PTPN23: variants seen among roughly 807,000 people sequenced by gnomAD.
PTPN23 encodes tyrosine-protein phosphatase non-receptor type 23.
A neutral mutation model predicts 156.3 loss-of-function variants in PTPN23; 72 were observed. The observed-to-expected ratio is 0.46, with a 90% CI of 0.38 to 0.56. The LOEUF is 0.56. PTPN23 is among the 20% of genes least tolerant of loss of function. The pLI is 0.00. For synonymous variants in PTPN23, 957 were observed against 899.6 expected (o/e 1.06, Z -1.14); for missense variants, 1,974 against 2,171.5 (o/e 0.91, Z 1.81).
Position 47,406,858 on chromosome 3 carries a change from G to A in PTPN23, c.807+108G>A, listed in dbSNP as rs1207560238. On this transcript the variant is annotated intron_variant, in intron 9 of 24. Transcript: ENST00000265562. This position sits in a 1 kb window ranked among gnomAD's most constrained non-coding sequence, Gnocchi z 5.8. ...GGGGTGGCCTTCTCTGTCTCACCCT[G>A]GCCATCACCCTGCTGGAGGCCTGGT... 6 of 1,421,416 alleles carry A rather than the reference G, an allele frequency of 4.2e-6. No homozygotes were observed. Among genetic ancestry groups the A allele is most frequent in the Non-Finnish European group, 5.8e-6 (6 of 1,030,626 alleles). 88.1% of individuals were successfully genotyped at this position (1,421,416 alleles called of 1,614,324 possible). A position where few individuals can be genotyped will look rare whatever the true frequency, so the allele number is the denominator to read the frequency against.
At position 47,409,266 on chromosome 3, in the gene PTPN23, G is replaced by C. The variant is rs772317392; in HGVS notation, c.1746G>C (p.Gln582His). 4 of 1,614,166 alleles carry C rather than the reference G, an allele frequency of 2.5e-6. No individual in the cohort carries two copies. Among genetic ancestry groups the C allele is most frequent in the Non-Finnish European group, 3.4e-6 (4 of 1,180,042 alleles). ...AGCAGCAGCTGCGTGAGCTTATCCAGAAAGATGACATCACTGCCTCGCTGG... is the reference window on the plus strand; with the variant it reads ...AGCAGCAGCTGCGTGAGCTTATCCACAAAGATGACATCACTGCCTCGCTGG... The part of the protein sequence containing the change: ...SLEQQLRELI[Q>H]KDDITASLVT... Residue 582 changes from glutamine (Q) to histidine (H), a missense_variant, in exon 17 of 25, where the codon CAG (glutamine) becomes CAC (histidine). By Grantham distance (24) the Gln-to-His change is conservative. Transcript: ENST00000265562.
At position 47,411,700 on chromosome 3, in the gene PTPN23, G is replaced by T; in HGVS notation, c.3888+14G>T. 6.3e-7 allele frequency: 1 copy of T among 1,599,488 alleles called. No individual in the cohort carries two copies. The highest frequency in any genetic ancestry group is 1.7e-4 in the Middle Eastern group (1 of 6,032). ...GAGATGGAGAAGGTGAGAAGAGGGG[G>T]TGGGTGCCCACGAGGGCAGTGTGGG... is the stretch of plus-strand genomic sequence containing the variant. On this transcript the variant is annotated intron_variant, in intron 20 of 24. Coordinates refer to ENST00000265562, the MANE Select transcript of PTPN23 (RefSeq NM_015466.4). This position sits in a 1 kb window ranked among gnomAD's most constrained non-coding sequence, Gnocchi z 6.3.
intron 1 of PTPN23, among the ~76,000 whole-genome samples, chr3:47,393,088 G>A (rs554109668): frequency 2.6e-5 from 4 of 152,098 alleles, no homozygotes; most frequent in South Asian, 4.2e-4. Flanking sequence ...CTCTGGCCTC[G>A]GCCTCCCAAA....
rs1705106526 is a variant in PTPN23, at chr3:47,405,767, T to G, written c.383T>G (p.Leu128Arg). The G allele has an allele frequency of 3.8e-6, 6 of 1,596,184 alleles. No homozygotes were observed. The highest frequency in any genetic ancestry group is 1.3e-5 in the African/African-American group (1 of 74,520). ...LYNLGALHSM[L>R]GAMDKRVSEE... ...TCCCCAGGAGCGCTGCACTCCATGCTGGGGGCCATGGACAAGCGGGTGTCT... is the reference window on the plus strand; with the variant it reads ...TCCCCAGGAGCGCTGCACTCCATGCGGGGGGCCATGGACAAGCGGGTGTCT... Residue 128 changes from leucine to arginine, a missense_variant, in exon 5 of 25, where the codon CTG becomes CGG. Transcript: ENST00000265562. The surrounding 1 kb of genome is among the most constrained non-coding windows in gnomAD (Gnocchi z 4.7).
chr3:47,399,778 A>G (rs1376327099), intron 2 of PTPN23, among the ~76,000 whole-genome samples: 1 of 152,074 alleles, frequency 6.6e-6, no homozygotes, highest in African/African-American at 2.4e-5. Context: ...ACTTGGTTTA[A>G]TTTATCCCAG....
chr3:47,410,307 TCCTCCCC>T lies in PTPN23; in HGVS notation c.2510_2516del (p.Ser837TyrfsTer6). On this transcript the variant is annotated frameshift_variant, in exon 20 of 25. Transcript: ENST00000265562. LOFTEE classifies it high-confidence loss of function. ...ACCGGAGCTGGGCCTTGTGCCCCGA[TCCTCCCC>T]ACAGCATGGCGTGGTGAGCAGTCCC... is the stretch of plus-strand genomic sequence containing the variant. The T allele has an allele frequency of 6.2e-7, 1 of 1,605,056 alleles. No homozygotes were observed. Among genetic ancestry groups the T allele is most frequent in the Non-Finnish European group, 8.5e-7 (1 of 1,175,522 alleles).
chr3:47,387,837 T>C (rs1333449820), intron 1 of PTPN23, among the ~76,000 whole-genome samples: 1 of 152,186 alleles, frequency 6.6e-6, no homozygotes, highest in Non-Finnish European at 1.5e-5. Context: ...GAGGGATTAA[T>C]ATTAGGTCTG....
rs1435764910 is a variant in PTPN23 at position 47,405,739 on chromosome 3, C to T, written c.365-10C>T. 1.3e-5 allele frequency: 21 copies of T among 1,601,058 alleles called. No homozygotes were observed. Among genetic ancestry groups the T allele is most frequent in the African/African-American group, 2.7e-5 (2 of 74,588 alleles). On this transcript the variant is annotated splice_polypyrimidine_tract_variant and intron_variant, in intron 4 of 24. Coordinates refer to ENST00000265562, the MANE Select transcript of PTPN23 (RefSeq NM_015466.4). The surrounding 1 kb of genome is among the most constrained non-coding windows in gnomAD (Gnocchi z 4.7). ...CCCCAGGCCCCTAACACTGTCCCCT[C>T]CCTCCCCAGGAGCGCTGCACTCCAT...
Position 47,412,836 on chromosome 3 carries a change from C to T in PTPN23, c.4562C>T (p.Pro1521Leu), listed in dbSNP as rs1260873950. Reference sequence around the variant, plus strand: ...TTGGAGTCCCCGGTTGCCAGCTTGCCAGGCCCTGCAGAGCCCCCAGGCCTC... The same window carrying T: ...TTGGAGTCCCCGGTTGCCAGCTTGCTAGGCCCTGCAGAGCCCCCAGGCCTC... Reference protein sequence around the residue: ...GGLESPVASLPGPAEPPGLPP... With the variant: ...GGLESPVASLLGPAEPPGLPP... Residue 1521 changes from proline (P) to leucine (L), a missense_variant, in exon 25 of 25, where the codon CCA (proline) becomes CTA (leucine). Coordinates refer to ENST00000265562, the MANE Select transcript of PTPN23 (RefSeq NM_015466.4). 3 of 1,613,462 alleles carry T rather than the reference C, an allele frequency of 1.9e-6. No individual in the cohort carries two copies. Among genetic ancestry groups the T allele is most frequent in the Admixed American group, 1.7e-5 (1 of 60,018 alleles).
chr3:47,394,298 G>T (rs950156801), intron 1 of PTPN23, among the ~76,000 whole-genome samples: 1 of 152,156 alleles, frequency 6.6e-6, no homozygotes, highest in African/African-American at 2.4e-5. Flanking sequence ...TGACCCTGCC[G>T]TCGGCACACA....
chr3:47,388,290 C>T (rs1193950360), intron 1 of PTPN23, among the ~76,000 whole-genome samples: 1 of 152,152 alleles, frequency 6.6e-6, no homozygotes, highest in African/African-American at 2.4e-5. Context: ...CACACTGCAG[C>T]CTCTGCCTCC....
chr3:47,404,930 G>T, intron 3 of PTPN23, 75 bp from the exon 4 acceptor site: 3 of 1,596,996 alleles, frequency 1.9e-6, no homozygotes, highest in Non-Finnish European at 2.6e-6. Context: ...ACAATGGGGT[G>T]TTTAGTCCCC....
chr3:47,409,915 G>C lies in PTPN23; in HGVS notation c.2130-13G>C, dbSNP rs773185429. On this transcript the variant is annotated splice_polypyrimidine_tract_variant and intron_variant, in intron 19 of 24. Transcript: ENST00000265562. ...GGGAGCCTGGCCCCACTTTTTCCTTGCCTGTCGCACAGGGAGCTGAAGAAG... is the reference window on the plus strand; with the variant it reads ...GGGAGCCTGGCCCCACTTTTTCCTTCCCTGTCGCACAGGGAGCTGAAGAAG... The C allele has an allele frequency of 7.0e-6, 11 of 1,570,588 alleles. No homozygotes were observed. Among genetic ancestry groups the C allele is most frequent in the Non-Finnish European group, 9.5e-6 (11 of 1,159,180 alleles).
intron 2 of PTPN23, among the ~76,000 whole-genome samples, chr3:47,404,141 A>T (rs781566176): frequency 6.6e-5 from 10 of 152,186 alleles, no homozygotes; most frequent in Non-Finnish European, 1.5e-4. Context: ...TGCTTTTCAG[A>T]TGTTTGAGAT....
At position 47,403,372 on chromosome 3, in the gene PTPN23, T is replaced by TC. The variant is rs373111084; in HGVS notation, c.160-1275dup. 1.2e-4 allele frequency among the ~76,000 whole-genome samples: 19 copies of TC among 152,120 alleles called. No homozygotes were observed. The East Asian group carries it at 3.5e-3, about 28-fold the overall frequency. On this transcript the variant is annotated intron_variant, in intron 2 of 24. Transcript: ENST00000265562. ...TGGCCACATTCTTTTCTTTTTTTTTTCCCCCAATAGCATGCCATAGGCATC... is the reference window on the plus strand; with the variant it reads ...TGGCCACATTCTTTTCTTTTTTTTTTCCCCCCAATAGCATGCCATAGGCATC...
At position 47,410,854 on chromosome 3, in the gene PTPN23, A is replaced by G; in HGVS notation, c.3056A>G (p.Tyr1019Cys). ...CCACCCCCCCTACACACCCAGCTCT[A>G]CCCAGGTCCCGCTCAAGACCCTCTG... is the stretch of plus-strand genomic sequence containing the variant. ...QPPPPLHTQLYPGPAQDPLPA... is the reference protein window; with the variant it reads ...QPPPPLHTQLCPGPAQDPLPA... Residue 1019 changes from tyrosine to cysteine, a missense_variant, in exon 20 of 25, where the codon TAC (tyrosine) becomes TGC (cysteine). Around this residue, in one of 4 missense-constraint regions of PTPN23, gnomAD observed 731 missense variants for 669.1 expected, o/e 1.09. Coordinates refer to ENST00000265562, the MANE Select transcript of PTPN23 (RefSeq NM_015466.4). 6.3e-7 allele frequency: 1 copy of G among 1,575,588 alleles called. No individual in the cohort carries two copies.
chr3:47,394,333 G>A (rs1235627673), intron 1 of PTPN23, among the ~76,000 whole-genome samples: 2 of 152,218 alleles, frequency 1.3e-5, no homozygotes, highest in Non-Finnish European at 2.9e-5. Flanking sequence ...TGTTTGGAAT[G>A]TGAGCGGAAG....
intron 1 of PTPN23, among the ~76,000 whole-genome samples, chr3:47,387,008 A>G (rs892244688): frequency 1.3e-5 from 2 of 152,188 alleles, no homozygotes; most frequent in Non-Finnish European, 2.9e-5. Flanking sequence ...GGGAGAGGTA[A>G]CCTGAGTCTT....
In PTPN23 at chr3:47,410,596, C is replaced by T. The variant is rs1705254261; in HGVS notation, c.2798C>T (p.Pro933Leu). ...CCTGCAGGGGCTAAGCAACCCATCC[C>T]GGCACAGCACCACTTCTCTTCTGGG... ...TYPAGAKQPIPAQHHFSSGIP... is the reference protein window; with the variant it reads ...TYPAGAKQPILAQHHFSSGIP... The change falls in exon 20 of 25, where the codon CCG becomes CTG. Residue 933 changes from proline to leucine, a missense_variant. By Grantham distance (98) the Pro-to-Leu change is moderately conservative. Around this residue, in one of 4 missense-constraint regions of PTPN23, gnomAD observed 731 missense variants for 669.1 expected, o/e 1.09. Coordinates refer to ENST00000265562, the MANE Select transcript of PTPN23 (RefSeq NM_015466.4). 2 of 1,612,370 alleles carry T rather than the reference C, an allele frequency of 1.2e-6. No homozygotes were observed. The highest frequency in any genetic ancestry group is 1.3e-5 in the African/African-American group (1 of 74,848).
Sources: allele counts gnomAD v4.1 joint callset (sites outside exome capture counted in the v4.1 genomes callset), GRCh38; gene constraint gnomAD v4.1.1; regional missense constraint gnomAD v4.1.1; non-coding constraint Gnocchi (gnomAD v3.1); transcripts MANE v1.5; gene names NCBI Gene and HGNC (gene_info 2026-07-23, HGNC 2026-07-21).